The following TSHR variants were observed in gnomAD, a reference collection of about 807,000 sequenced individuals.
The protein encoded by TSHR is thyroid stimulating hormone receptor, also known as thyrotropin receptor.
Under a neutral mutation model 64.1 loss-of-function variants are expected in TSHR, and 51 were observed. That is an observed-to-expected ratio of 0.80 (90% CI 0.64 to 1.01). The LOEUF (loss-of-function observed/expected upper bound fraction) is 1.01. Ranked by LOEUF, TSHR falls within the 50% of genes least tolerant of loss-of-function variation. The probability of loss-of-function intolerance (pLI) is 0.00; values close to 1 mark genes in which losing one functional copy is unlikely to be tolerated. For missense variants in TSHR, 877 were observed against 942.8 expected, an observed-to-expected ratio of 0.93 and a Z score of 0.91; for synonymous variants, 361 against 361.9, an observed-to-expected ratio of 1.00 and a Z score of 0.03.
At chr14:81,078,021 T>A (rs1330281703) in intron 3 of TSHR, among the ~76,000 whole-genome samples, 1 of 152,202 alleles carries the variant, frequency 6.6e-6, no homozygotes. Context: ...TATTCCTATA[T>A]ATGTTATAAA....
chr14:81,068,235 A>T lies in TSHR; in HGVS notation c.243-19A>T, dbSNP rs2139909524. The stretch of plus-strand genomic sequence containing the variant: ...CCTTACTAACTTTCTACTTTGTCTT[A>T]TATTTTTCTGACATTCAGCTACGTA... On this transcript the variant is annotated intron_variant, in intron 2 of 9. Transcript: ENST00000298171. 6.2e-7 allele frequency: 1 copy of T among 1,611,196 alleles called. No individual in the cohort carries two copies. Among genetic ancestry groups the T allele is most frequent in the African/African-American group, 1.3e-5 (1 of 74,932 alleles).
At chr14:81,086,091 T>A (rs145449193) in intron 3 of TSHR, among the ~76,000 whole-genome samples, 1 of 152,208 alleles carries the variant, frequency 6.6e-6, no homozygotes. Context: ...AGGATTAGCA[T>A]AGTGAGGATT....
At position 81,132,776 on chromosome 14, in the gene TSHR, C is replaced by G. The variant is rs200128466; in HGVS notation, c.693-6903C>G. Reference sequence around the variant, plus strand: ...GGGAAGCCCTCCAGCTTGTAGCTTTCTATCCATATGGCTACATCCACAAGT... The same window carrying G: ...GGGAAGCCCTCCAGCTTGTAGCTTTGTATCCATATGGCTACATCCACAAGT... On this transcript the variant is annotated intron_variant, in intron 8 of 9. Transcript: ENST00000298171. Among the ~76,000 whole-genome samples the G allele has an allele frequency of 1.6e-4, 24 of 152,134 alleles. No individual in the cohort carries two copies. The East Asian group carries it at 4.1e-3, about 26-fold the overall frequency.
chr14:80,962,036 T>C (rs1014523779), intron 1 of TSHR, among the ~76,000 whole-genome samples: 3 of 152,170 alleles, frequency 2.0e-5, no homozygotes, highest in African/African-American at 4.8e-5. Context: ...ATCCTCCGGG[T>C]TGAATGCCTT....
chr14:81,079,899 C>T (rs1887775455), intron 3 of TSHR, among the ~76,000 whole-genome samples: 1 of 151,072 alleles, frequency 6.6e-6, no homozygotes, highest in South Asian at 2.1e-4. Flanking sequence ...AAGTGCTGCC[C>T]TCAGAAGAAT....
intron 1 of TSHR, among the ~76,000 whole-genome samples, chr14:80,999,744 T>A (rs1489879195): frequency 6.6e-6 from 1 of 152,146 alleles, no homozygotes; most frequent in Non-Finnish European, 1.5e-5. Flanking sequence ...GCTGCCATGC[T>A]GTTGAGTCAA....
intron 1 of TSHR, chr14:80,959,400 G>C (rs1886900615): frequency 6.6e-6 from 1 of 152,096 alleles, no homozygotes; most frequent in Non-Finnish European, 1.5e-5. Flanking sequence ...CAAAACCAAG[G>C]ATAACAAGAT....
intron 8 of TSHR, among the ~76,000 whole-genome samples, chr14:81,122,020 C>CTTTTTTTTTTTTTTTTTTTTTTTTT (rs1161879777): frequency 2.2e-5 from 1 of 44,904 alleles, no homozygotes; most frequent in East Asian, 6.6e-4. Flanking sequence ...TTTTCTTTTC[C>CTTTTTTTTTTTTTTTTTTTTTTTTT]TTTTTTTTTT....
At chr14:80,998,370 G>T (rs1889134807) in intron 1 of TSHR, among the ~76,000 whole-genome samples, 1 of 151,988 alleles carries the variant, frequency 6.6e-6, no homozygotes, top group Admixed American at 6.6e-5. Flanking sequence ...CAGATAAGTT[G>T]CCCACACTTT....
chr14:81,081,375 T>C (rs1014999424), intron 3 of TSHR, among the ~76,000 whole-genome samples: 2 of 152,150 alleles, frequency 1.3e-5, no homozygotes, highest in African/African-American at 4.8e-5. Flanking sequence ...TAAAGGATAT[T>C]ACAAAAGATA....
intron 4 of TSHR, among the ~76,000 whole-genome samples, chr14:81,089,222 A>G (rs1888534274): frequency 6.6e-6 from 1 of 152,130 alleles, no homozygotes; most frequent in Non-Finnish European, 1.5e-5. Context: ...TCCTGACCTC[A>G]GGTGATCCAC....
At chr14:81,124,582 C>A (rs931962801) in intron 8 of TSHR, among the ~76,000 whole-genome samples, 36 of 152,102 alleles carry the variant, frequency 2.4e-4, no homozygotes, top group African/African-American at 8.4e-4. Flanking sequence ...ATTTATATCT[C>A]TATATATATG....
At chr14:81,057,434 A>G (rs1011360091) in intron 1 of TSHR, among the ~76,000 whole-genome samples, 7 of 152,122 alleles carry the variant, frequency 4.6e-5, no homozygotes, top group African/African-American at 1.7e-4. Context: ...GAAAAGAAAA[A>G]AGGATTTATT....
chr14:80,983,531 C>G, intron 1 of TSHR: 1 of 1,304,864 alleles, frequency 7.7e-7, no homozygotes, highest in Admixed American at 1.8e-5. Context: ...TATTTATTAA[C>G]ATAAAGGAGC....
chr14:81,076,239 T>A (rs1014109383), intron 3 of TSHR, among the ~76,000 whole-genome samples: 3 of 152,172 alleles, frequency 2.0e-5, no homozygotes, highest in African/African-American at 7.2e-5. Flanking sequence ...ACAATCCTGG[T>A]TGGACTCCTA....
chr14:80,968,725 CAA>C (rs1366884226), intron 1 of TSHR, among the ~76,000 whole-genome samples: 1 of 152,168 alleles, frequency 6.6e-6, no homozygotes, highest in African/African-American at 2.4e-5. Flanking sequence ...TCAAAAGAAC[CAA>C]GAGATGCCCC....
intron 7 of TSHR, chr14:81,106,992 C>T (rs1323517612): frequency 1.3e-5 from 2 of 151,058 alleles, no homozygotes; most frequent in African/African-American, 4.9e-5. Context: ...AAAATATATA[C>T]CAATTTATGA....
At chr14:81,048,454 G>A (rs185579993) in intron 1 of TSHR, among the ~76,000 whole-genome samples, 1 of 152,086 alleles carries the variant, frequency 6.6e-6, no homozygotes, top group African/African-American at 2.4e-5. Flanking sequence ...GGCATACTAG[G>A]TTCGTTGGCC....
chr14:80,973,222 A>G (rs960990708), intron 1 of TSHR, among the ~76,000 whole-genome samples: 1 of 151,654 alleles, frequency 6.6e-6, no homozygotes, highest in East Asian at 1.9e-4. Flanking sequence ...TGGCTAACAC[A>G]GTGAAACCCC....
Sources: gnomAD v4.1 joint callset for allele counts (sites outside exome capture counted in the v4.1 genomes callset) on GRCh38, gnomAD v4.1.1 for gene constraint, MANE v1.5 for transcripts, NCBI Gene and HGNC (gene_info 2026-07-23, HGNC 2026-07-21) for gene names.